The following YME1L1 variants were observed in gnomAD, a reference collection of about 807,000 sequenced individuals.
YME1L1 encodes ATP-dependent zinc metalloprotease YME1L1.
Under a neutral mutation model 90.4 loss-of-function variants are expected in YME1L1, and 39 were observed. The observed-to-expected ratio is 0.43, with a 90% CI of 0.33 to 0.56. The LOEUF (loss-of-function observed/expected upper bound fraction) is 0.56, where lower values mean the gene tolerates loss of function less well. YME1L1 is among the 20% of genes least tolerant of loss of function. YME1L1 has a pLI of 0.03. For synonymous variants in YME1L1, 284 were observed against 287.3 expected, an observed-to-expected ratio of 0.99 and a Z score of 0.12; for missense variants, 617 against 868.4, an observed-to-expected ratio of 0.71 and a Z score of 3.64.
Position 27,134,878 on chromosome 10 carries a change from A to C in YME1L1, c.644T>G (p.Phe215Cys). The change falls in exon 6 of 19, where the codon TTT becomes TGT. Residue 215 changes from phenylalanine (F) to cysteine (C), a missense_variant. Physicochemically the swap from Phe to Cys is radical, Grantham distance 205 (BLOSUM62 -2). Around this residue, in one of 4 missense-constraint regions of YME1L1, gnomAD observed 311 missense variants for 335.8 expected, o/e 0.93. Transcript: ENST00000376016. ...TTGAGCTTTCAGAAAACCTTCCGCA[A>C]AACCAGTTTTAAATGCATCTTGGTG... ...EAHQDAFKTG[F>C]AEGFLKAQAL... 6.2e-7 allele frequency: 1 copy of C among 1,614,098 alleles called. No homozygotes were observed. Among genetic ancestry groups the C allele is most frequent in the Non-Finnish European group, 8.5e-7 (1 of 1,179,994 alleles).
At chr10:27,113,802 C>T (rs1221310679) in intron 18 of YME1L1, among the ~76,000 whole-genome samples, 2 of 150,670 alleles carry the variant, frequency 1.3e-5, no homozygotes, top group African/African-American at 2.4e-5. Flanking sequence ...CCAGCCTGGG[C>T]AATATAGCAA....
Position 27,131,884 on chromosome 10 carries a change from T to A in YME1L1, c.833A>T (p.Asn278Ile). The A allele has an allele frequency of 1.2e-6, 2 of 1,612,564 alleles. No individual in the cohort carries two copies. Among genetic ancestry groups the A allele is most frequent in the Non-Finnish European group, 1.7e-6 (2 of 1,179,550 alleles). ...DSAVDPVQMK[N>I]VTFEHVKGVE... Reference sequence around the variant, plus strand: ...CCCTTTAACATGTTCAAAGGTGACATTTTTCATCTGGACAGGATCTACTGC... The same window carrying A: ...CCCTTTAACATGTTCAAAGGTGACAATTTTCATCTGGACAGGATCTACTGC... The change falls in exon 8 of 19, where the codon AAT (asparagine) becomes ATT (isoleucine). Residue 278 changes from asparagine to isoleucine, a missense_variant. By Grantham distance (149) the Asn-to-Ile change is moderately radical. Around this residue, in one of 4 missense-constraint regions of YME1L1, gnomAD observed 311 missense variants for 335.8 expected, o/e 0.93. Coordinates refer to ENST00000376016, the MANE Select transcript of YME1L1 (RefSeq NM_014263.4).
intron 1 of YME1L1, chr10:27,153,342 C>CA (rs1453271878): frequency 2.2e-6 from 1 of 447,228 alleles, no homozygotes; most frequent in African/African-American, 2.0e-5. Context: ...CAAAGGAACA[C>CA]AATCATATGC....
intron 17 of YME1L1, among the ~76,000 whole-genome samples, 186 bp from the exon 18 acceptor site, chr10:27,114,793 C>T (rs2056794760): frequency 6.6e-6 from 1 of 151,938 alleles, no homozygotes; most frequent in African/African-American, 2.4e-5. Flanking sequence ...TTTGGGAGGC[C>T]GAGGCGGGTG....
intron 8 of YME1L1, among the ~76,000 whole-genome samples, chr10:27,131,342 A>T (rs2056975876): frequency 6.7e-6 from 1 of 148,600 alleles, no homozygotes; most frequent in Non-Finnish European, 1.5e-5. Context: ...AGCAGCTAAA[A>T]TAGGGCCTAG....
At chr10:27,149,957 T>A (rs1303953929) in intron 1 of YME1L1, among the ~76,000 whole-genome samples, 3 of 151,808 alleles carry the variant, frequency 2.0e-5, no homozygotes, top group Non-Finnish European at 4.4e-5. Context: ...GCGCCTGTAA[T>A]CCCAGATACT....
At chr10:27,116,529 G>A (rs1365522488) in intron 15 of YME1L1, among the ~76,000 whole-genome samples, 184 bp from the exon 16 acceptor site, 3 of 152,116 alleles carry the variant, frequency 2.0e-5, no homozygotes, top group Non-Finnish European at 4.4e-5. Context: ...AGGCAGGCAT[G>A]GTGGTGCATG....
chr10:27,113,918 C>A (rs1470590811), intron 18 of YME1L1, among the ~76,000 whole-genome samples: 3 of 150,074 alleles, frequency 2.0e-5, no homozygotes, highest in African/African-American at 7.3e-5. Flanking sequence ...CATGCCACTA[C>A]ACTCTAGCCT....
At chr10:27,130,030 T>C (rs1236250392) in intron 8 of YME1L1, among the ~76,000 whole-genome samples, 1 of 152,206 alleles carries the variant, frequency 6.6e-6, no homozygotes, top group Non-Finnish European at 1.5e-5. Context: ...TGCAATCCTC[T>C]ATTCCATCTC....
intron 2 of YME1L1, among the ~76,000 whole-genome samples, 189 bp downstream of exon 2, chr10:27,148,717 G>A (rs1180049344): frequency 2.6e-5 from 4 of 151,902 alleles, no homozygotes; most frequent in African/African-American, 9.7e-5. Flanking sequence ...ATATGTTAAT[G>A]GACCCTTTAT....
chr10:27,147,444 C>T (rs1167826488), intron 2 of YME1L1: 1 of 1,614,094 alleles, frequency 6.2e-7, no homozygotes, highest in Non-Finnish European at 8.5e-7. Flanking sequence ...TGACTAAGAA[C>T]GATGGACAAA....
At chr10:27,112,472 C>A (rs1456128933) in intron 18 of YME1L1, among the ~76,000 whole-genome samples, 1 of 152,150 alleles carries the variant, frequency 6.6e-6, no homozygotes, top group Admixed American at 6.6e-5. Context: ...CCTAAGCCCT[C>A]TCAAGTGCTA....
chr10:27,141,704 T>C (rs2057089499), intron 4 of YME1L1, among the ~76,000 whole-genome samples: 1 of 152,046 alleles, frequency 6.6e-6, no homozygotes, highest in African/African-American at 2.4e-5. Context: ...AAAGGCCATA[T>C]CTGCACTGTG....
chr10:27,134,223 C>G (rs1467363330), intron 6 of YME1L1, 101 bp from the exon 7 acceptor site: 3 of 937,120 alleles, frequency 3.2e-6, no homozygotes, highest in Admixed American at 5.3e-5. Context: ...CATATTTCAT[C>G]ACATCCAATT....
At chr10:27,135,018 A>C in intron 5 of YME1L1, 37 bp from the exon 6 acceptor site, 1 of 1,565,778 alleles carries the variant, frequency 6.4e-7, no homozygotes, top group Non-Finnish European at 8.7e-7. Flanking sequence ...CTGGTTAACA[A>C]CACAGTGATA....
chr10:27,152,137 AAAAT>A (rs1211508543), intron 1 of YME1L1, among the ~76,000 whole-genome samples: 1 of 152,224 alleles, frequency 6.6e-6, no homozygotes, highest in African/African-American at 2.4e-5. Context: ...AAAAGAAAAA[AAAAT>A]AAACAGTAAC....
chr10:27,140,679 A>G (rs1022718292), intron 4 of YME1L1, among the ~76,000 whole-genome samples: 1 of 151,882 alleles, frequency 6.6e-6, no homozygotes, highest in Non-Finnish European at 1.5e-5. Flanking sequence ...GGGTTTCACT[A>G]TGTTGGCCAG....
chr10:27,116,640 T>C (rs1291735997), intron 15 of YME1L1, among the ~76,000 whole-genome samples: 1 of 152,092 alleles, frequency 6.6e-6, no homozygotes, highest in East Asian at 1.9e-4. Flanking sequence ...CACTCTAGCC[T>C]GGGCAACAAG....
intron 5 of YME1L1, among the ~76,000 whole-genome samples, chr10:27,135,592 C>T (rs886777860): frequency 6.6e-6 from 1 of 152,228 alleles, no homozygotes; most frequent in Middle Eastern, 3.4e-3. Flanking sequence ...GAATCAATAG[C>T]CTTCAGTGCT....
Sources: allele counts gnomAD v4.1 joint callset (sites outside exome capture counted in the v4.1 genomes callset), GRCh38; gene constraint gnomAD v4.1.1; regional missense constraint gnomAD v4.1.1; transcripts MANE v1.5; gene names NCBI Gene and HGNC (gene_info 2026-07-23, HGNC 2026-07-21).